Variants in TBC1D1 observed in about 807,000 individuals in gnomAD.
TBC1D1 encodes the protein TBC1 (tre-2/USP6, BUB2, cdc16) domain family, member 1.
A neutral mutation model predicts 125.6 loss-of-function variants in TBC1D1; 89 were observed. That is an observed-to-expected ratio of 0.71 (90% CI 0.60 to 0.85). The LOEUF is 0.85. TBC1D1 is among the 40% of genes least tolerant of loss of function. The pLI is 0.00. For missense variants in TBC1D1, 1,377 were observed against 1,469.2 expected (o/e 0.94, Z 1.03); for synonymous variants, 565 against 564.1 (o/e 1.00, Z -0.02).
chr4:38,128,677 C>T (rs1480043653), intron 18 of TBC1D1, among the ~76,000 whole-genome samples: 5 of 152,116 alleles, frequency 3.3e-5, no homozygotes, highest in African/African-American at 9.7e-5. Context: ...AGCTCTGGCT[C>T]AATGTGGACA....
chr4:38,086,070 C>T (rs62300022), intron 12 of TBC1D1, among the ~76,000 whole-genome samples: 5,040 of 152,268 alleles, frequency 0.033, 114 homozygotes, highest in Non-Finnish European at 0.053. Context: ...TTAACTATCT[C>T]CCTTTATAAA....
At chr4:38,012,156 T>C (rs191054978) in intron 2 of TBC1D1, among the ~76,000 whole-genome samples, 1 of 152,390 alleles carries the variant, frequency 6.6e-6, no homozygotes. Flanking sequence ...ACACACTTGC[T>C]TAGAAGAGTG....
At chr4:37,917,171 C>T (rs1719905759) in intron 2 of TBC1D1, among the ~76,000 whole-genome samples, 1 of 151,892 alleles carries the variant, frequency 6.6e-6, no homozygotes, top group Non-Finnish European at 1.5e-5. Flanking sequence ...TTACAGTTTA[C>T]CACATATAAG....
intron 1 of TBC1D1, among the ~76,000 whole-genome samples, chr4:37,900,680 T>C (rs757994204): frequency 2.0e-5 from 3 of 152,112 alleles, no homozygotes; most frequent in South Asian, 4.1e-4. Context: ...GAGTAAAGAA[T>C]AGGGCTTGAG....
chr4:37,915,956 G>A (rs1398836973), intron 2 of TBC1D1, among the ~76,000 whole-genome samples: 4 of 152,208 alleles, frequency 2.6e-5, no homozygotes, highest in African/African-American at 9.6e-5. Context: ...ATTGGTGACA[G>A]TTGTGGAAGA....
At chr4:38,070,297 T>C (rs1328125978) in intron 12 of TBC1D1, among the ~76,000 whole-genome samples, 1 of 152,240 alleles carries the variant, frequency 6.6e-6, no homozygotes, top group Admixed American at 6.5e-5. Flanking sequence ...ATTTATCCTG[T>C]AATAAGAATT....
intron 13 of TBC1D1, among the ~76,000 whole-genome samples, chr4:38,094,834 C>T (rs947154089): frequency 6.7e-6 from 1 of 148,360 alleles, no homozygotes. Flanking sequence ...CAAGGATTAG[C>T]TCAACTCTAG....
chr4:37,927,910 T>C (rs1345467813), intron 2 of TBC1D1, among the ~76,000 whole-genome samples: 1 of 152,176 alleles, frequency 6.6e-6, no homozygotes, highest in Non-Finnish European at 1.5e-5. Flanking sequence ...AATCCCTGTT[T>C]CTGAAAAACA....
At chr4:37,948,895 CT>C (rs1727278584) in intron 2 of TBC1D1, among the ~76,000 whole-genome samples, 2 of 152,152 alleles carry the variant, frequency 1.3e-5, no homozygotes, top group South Asian at 4.1e-4. Flanking sequence ...TGCCTGACAT[CT>C]TTCACTTAGT....
chr4:37,894,710 T>C (rs1714166229), intron 1 of TBC1D1, among the ~76,000 whole-genome samples: 1 of 152,152 alleles, frequency 6.6e-6, no homozygotes, highest in Admixed American at 6.6e-5. Context: ...GCTATTATTA[T>C]GTTTATTTAT....
At chr4:38,000,522 C>A (rs1432083869) in intron 2 of TBC1D1, among the ~76,000 whole-genome samples, 4 of 152,158 alleles carry the variant, frequency 2.6e-5, no homozygotes, top group Non-Finnish European at 5.9e-5. Flanking sequence ...TCAAAAGTTT[C>A]CAATTTTGGA....
intron 2 of TBC1D1, among the ~76,000 whole-genome samples, chr4:38,004,026 A>C (rs1183311670): frequency 1.3e-5 from 2 of 152,180 alleles, no homozygotes; most frequent in African/African-American, 4.8e-5. Context: ...GTAATGTCTC[A>C]TTTTAGTAGA....
At chr4:37,906,684 T>C (rs972733418) in intron 2 of TBC1D1, among the ~76,000 whole-genome samples, 9 of 152,352 alleles carry the variant, frequency 5.9e-5, no homozygotes, top group Admixed American at 5.9e-4. Flanking sequence ...TGTTCAGACA[T>C]GCTACAAGTT....
chr4:38,095,827 T>C, intron 13 of TBC1D1, 102 bp from the exon 16 acceptor site: 1 of 1,248,002 alleles, frequency 8.0e-7, no homozygotes, highest in Non-Finnish European at 1.1e-6. Context: ...CAGTTGTAAC[T>C]GCTTGACGTC....
intron 14 of TBC1D1, among the ~76,000 whole-genome samples, chr4:38,096,417 G>C (rs1759354146): frequency 6.6e-6 from 1 of 152,156 alleles, no homozygotes; most frequent in Non-Finnish European, 1.5e-5. Flanking sequence ...CTTGTCTCTG[G>C]GTACTCTAGG....
chr4:38,054,080 A>T (rs1025625492), intron 11 of TBC1D1, 119 bp from the exon 14 acceptor site: 3 of 1,107,640 alleles, frequency 2.7e-6, no homozygotes, highest in African/African-American at 3.1e-5. Flanking sequence ...TCTGTGATTG[A>T]TTATTTGTTT....
intron 18 of TBC1D1, among the ~76,000 whole-genome samples, chr4:38,129,425 A>G (rs965292562): frequency 2.0e-5 from 3 of 152,156 alleles, no homozygotes; most frequent in Non-Finnish European, 4.4e-5. Context: ...CGTTGTTGAA[A>G]ATTGCTCACA....
At chr4:38,081,084 G>T (rs965475395) in intron 12 of TBC1D1, among the ~76,000 whole-genome samples, 2 of 152,134 alleles carry the variant, frequency 1.3e-5, no homozygotes, top group Non-Finnish European at 2.9e-5. Context: ...GGGCCTGCTT[G>T]TTTCCTTCCA....
intron 2 of TBC1D1, among the ~76,000 whole-genome samples, chr4:37,974,810 T>C (rs1281878986): frequency 1.3e-5 from 2 of 152,134 alleles, no homozygotes; most frequent in African/African-American, 4.8e-5. Context: ...CTACCTGCCT[T>C]GGCCTCCCAA....
Sources: allele counts gnomAD v4.1 joint callset (sites outside exome capture counted in the v4.1 genomes callset), GRCh38; gene constraint gnomAD v4.1.1; transcripts MANE v1.5; gene names NCBI Gene and HGNC (gene_info 2026-07-23, HGNC 2026-07-21).